The following FGF17 variants were observed in gnomAD, a reference collection of about 807,000 sequenced individuals.
The protein encoded by FGF17 is fibroblast growth factor 17.
A neutral mutation model predicts 23.5 loss-of-function variants in FGF17; 5 were observed. The ratio of observed to expected loss-of-function variants is 0.21; its 90% CI spans 0.11 to 0.45. The LOEUF (loss-of-function observed/expected upper bound fraction) is 0.45, where lower values mean the gene tolerates loss of function less well. Among genes scored for constraint, FGF17 ranks in the 20% least tolerant of loss-of-function variants. The probability of loss-of-function intolerance (pLI) is 0.99; values close to 1 mark genes in which losing one functional copy is unlikely to be tolerated. For missense variants in FGF17, 221 were observed against 306.9 expected, an observed-to-expected ratio of 0.72 and a Z score of 2.09; for synonymous variants, 136 against 123.0, an observed-to-expected ratio of 1.11 and a Z score of -0.70.
In FGF17 at chr8:22,048,238, C is replaced by A; in HGVS notation, c.640C>A (p.Pro214Thr). The part of the protein sequence containing the change: ...RRTKRTRRPQ[P>T]LT ...GACCAAGCGCACACGGCGGCCCCAG[C>A]CCCTCACGTAGTCTGGGAGGCAGGG... is the stretch of plus-strand genomic sequence containing the variant. Residue 214 changes from proline to threonine, a missense_variant, in exon 5 of 5, where the codon CCC (proline) becomes ACC (threonine). Physicochemically the swap from Pro to Thr is conservative, Grantham distance 38 (BLOSUM62 -1). Coordinates refer to ENST00000359441, the MANE Select transcript of FGF17 (RefSeq NM_003867.4). This position sits in a 1 kb window ranked among gnomAD's most constrained non-coding sequence, Gnocchi z 6.9. The A allele has an allele frequency of 6.2e-7, 1 of 1,605,162 alleles. No homozygotes were observed. Among genetic ancestry groups the A allele is most frequent in the Non-Finnish European group, 8.5e-7 (1 of 1,176,130 alleles).
chr8:22,045,711 T>C, intron 2 of FGF17: 1 of 1,118,836 alleles, frequency 8.9e-7, no homozygotes, highest in Non-Finnish European at 1.1e-6. Context: ...TCCTTGGAGT[T>C]CTGGGGGAGA....
Position 22,048,324 on chromosome 8 carries a change from G to A in FGF17, c.*75G>A, listed in dbSNP as rs578072841. 7.7e-7 allele frequency: 1 copy of A among 1,305,442 alleles called. No homozygotes were observed. The highest frequency in any genetic ancestry group is 1.0e-6 in the Non-Finnish European group (1 of 963,318). 80.9% of individuals were successfully genotyped at this position (1,305,442 alleles called of 1,614,324 possible). A position where few individuals can be genotyped will look rare whatever the true frequency, so the allele number is the denominator to read the frequency against. On this transcript the variant is annotated 3_prime_UTR_variant, in exon 5 of 5. Transcript: ENST00000359441. The surrounding 1 kb of genome is among the most constrained non-coding windows in gnomAD (Gnocchi z 6.9). ...CCTTCTTAATCCAAGGACTGGGCTG[G>A]GGTGGCGGGAGGGGAGCCAGATCCC...
chr8:22,045,538 T>C, intron 2 of FGF17: 1 of 992,982 alleles, frequency 1.0e-6, no homozygotes, highest in Non-Finnish European at 1.2e-6. Flanking sequence ...TTCAAAGAAA[T>C]GCTCATGGGA....
chr8:22,042,563 G>A (rs538180112), upstream of FGF17: 4 of 470,744 alleles, frequency 8.5e-6, no homozygotes, highest in African/African-American at 7.8e-5. Context: ...GTCAGGAATA[G>A]AGCAGGAGAC....
chr8:22,046,358 C>A (rs774505557), intron 3 of FGF17, 67 bp downstream of exon 3: 3 of 1,557,596 alleles, frequency 1.9e-6, no homozygotes, highest in Non-Finnish European at 2.6e-6. Flanking sequence ...CCTGCCTCAC[C>A]TCCTGGTCCA....
chr8:22,041,397 A>G (rs1010879021), upstream of FGF17, among the ~76,000 whole-genome samples: 1 of 152,070 alleles, frequency 6.6e-6, no homozygotes, highest in African/African-American at 2.4e-5. Context: ...TTAGGTAAAT[A>G]AATCCACATC....
intron 2 of FGF17, among the ~76,000 whole-genome samples, chr8:22,043,409 C>T (rs757363319): frequency 3.3e-5 from 5 of 152,178 alleles, no homozygotes; most frequent in Non-Finnish European, 5.9e-5. Context: ...CCCCACTTCC[C>T]CTGGGTCTCT....
chr8:22,046,976 A>G (rs1800892206), intron 4 of FGF17, among the ~76,000 whole-genome samples: 1 of 41,020 alleles, frequency 2.4e-5, no homozygotes, highest in Non-Finnish European at 5.3e-5. Context: ...TTGTAGAGAT[A>G]GGGCCTCACT....
upstream of FGF17, among the ~76,000 whole-genome samples, chr8:22,041,748 T>G (rs1800742884): frequency 6.6e-6 from 1 of 152,206 alleles, no homozygotes; most frequent in South Asian, 2.1e-4. Flanking sequence ...GGCTATTCCA[T>G]TCACTAGCTG....
Position 22,046,098 on chromosome 8 carries a change from C to T in FGF17, c.73-16C>T, listed in dbSNP as rs748826611. 1 of 1,614,146 alleles carries T rather than the reference C, an allele frequency of 6.2e-7. No individual in the cohort carries two copies. The highest frequency in any genetic ancestry group is 8.5e-7 in the Non-Finnish European group (1 of 1,180,044). On this transcript the variant is annotated splice_polypyrimidine_tract_variant and intron_variant, in intron 2 of 4. Coordinates refer to ENST00000359441, the MANE Select transcript of FGF17 (RefSeq NM_003867.4). ...CAAAGCAAATTGACACTATTTTTCC[C>T]TTGGTAACCGCAAAGGGGGAGAATC...
At position 22,046,311 on chromosome 8, in the gene FGF17, C is replaced by T. The variant is rs776733398; in HGVS notation, c.250+20C>T. 5.0e-6 allele frequency: 8 copies of T among 1,607,516 alleles called. No individual in the cohort carries two copies. The highest frequency in any genetic ancestry group is 2.2e-5 in the East Asian group (1 of 44,842). On this transcript the variant is annotated intron_variant, in intron 3 of 4. Coordinates refer to ENST00000359441, the MANE Select transcript of FGF17 (RefSeq NM_003867.4). ...AGTTTGGTGAGAGTTGGCCCTCCCCCCAGGGCACCCACACCTCCACTCTGC... is the reference window on the plus strand; with the variant it reads ...AGTTTGGTGAGAGTTGGCCCTCCCCTCAGGGCACCCACACCTCCACTCTGC...
chr8:22,042,536 T>G (rs916160890), upstream of FGF17: 1 of 323,340 alleles, frequency 3.1e-6, no homozygotes, highest in South Asian at 5.2e-5. Context: ...TGCGTCGAGT[T>G]TGGCCAGTCT....
intron 2 of FGF17, 58 bp downstream of exon 2, chr8:22,043,239 G>A (rs999396952): frequency 2.9e-5 from 45 of 1,559,348 alleles, no homozygotes; most frequent in South Asian, 1.1e-4. Context: ...TGACCAGGGC[G>A]GGTGCAAGGG....
chr8:22,044,974 A>G, intron 2 of FGF17: 1 of 985,842 alleles, frequency 1.0e-6, no homozygotes, highest in Non-Finnish European at 1.2e-6. Flanking sequence ...AAGCTGTCCC[A>G]GCACAGGCAG....
In FGF17 at chr8:22,048,029, C is replaced by T; in HGVS notation, c.431C>T (p.Ala144Val). 6.2e-7 allele frequency: 1 copy of T among 1,613,204 alleles called. No individual in the cohort carries two copies. Among genetic ancestry groups the T allele is most frequent in the Non-Finnish European group, 8.5e-7 (1 of 1,179,538 alleles). Residue 144 changes from alanine (A) to valine (V), a missense_variant, in exon 5 of 5, where the codon GCC becomes GTC. Physicochemically the swap from Ala to Val is moderately conservative, Grantham distance 64 (BLOSUM62 0). This residue lies in a region of FGF17 where 128 missense variants were observed against 150.4 expected (regional missense o/e 0.85). Transcript: ENST00000359441. This position sits in a 1 kb window ranked among gnomAD's most constrained non-coding sequence, Gnocchi z 6.9. ...LENNYTAFQN[A>V]RHEGWFMAFT... ...AACAACTATACGGCCTTCCAGAACG[C>T]CCGGCACGAGGGCTGGTTCATGGCC...
upstream of FGF17, among the ~76,000 whole-genome samples, chr8:22,042,130 T>TA (rs961935516): frequency 1.2e-4 from 18 of 152,340 alleles, no homozygotes; most frequent in African/African-American, 4.3e-4. Flanking sequence ...AAAAGGGGCT[T>TA]AGGCCAGGAC....
chr8:22,046,335 G>A (rs771016753), intron 3 of FGF17, 44 bp downstream of exon 3: 19 of 1,591,750 alleles, frequency 1.2e-5, no homozygotes, highest in Non-Finnish European at 1.6e-5. Flanking sequence ...CCTCCACTCT[G>A]CCTCACTTCC....
At position 22,042,856 on chromosome 8, in the gene FGF17, C is replaced by T; in HGVS notation, c.-73C>T. Reference sequence around the variant, plus strand: ...AGACCTTGGCTTCTCTGGGACTCTACCCCTGGGGACTTCCCACATCTGCTC... The same window carrying T: ...AGACCTTGGCTTCTCTGGGACTCTATCCCTGGGGACTTCCCACATCTGCTC... On this transcript the variant is annotated 5_prime_UTR_variant, in exon 1 of 5. Coordinates refer to ENST00000359441, the MANE Select transcript of FGF17 (RefSeq NM_003867.4). 9.7e-6 allele frequency: 15 copies of T among 1,541,208 alleles called. No individual in the cohort carries two copies. The highest frequency in any genetic ancestry group is 1.3e-5 in the Non-Finnish European group (14 of 1,119,992).
upstream of FGF17, among the ~76,000 whole-genome samples, chr8:22,041,104 T>C (rs140037096): frequency 1.3e-5 from 2 of 152,270 alleles, no homozygotes; most frequent in Non-Finnish European, 2.9e-5. Flanking sequence ...GATGAATCCC[T>C]AAGACCCCTT....
Sources: gnomAD v4.1 joint callset for allele counts (sites outside exome capture counted in the v4.1 genomes callset) on GRCh38, gnomAD v4.1.1 for gene constraint, gnomAD v4.1.1 regional missense constraint, Gnocchi (gnomAD v3.1) non-coding constraint, MANE v1.5 for transcripts, NCBI Gene and HGNC (gene_info 2026-07-23, HGNC 2026-07-21) for gene names.